The following NAV3 variants were observed in gnomAD, a reference collection of about 807,000 sequenced individuals.
The protein encoded by NAV3 is neuron navigator 3.
NAV3 carries 87 observed loss-of-function variants against 244.7 expected under a neutral mutation model. The ratio of observed to expected loss-of-function variants is 0.36; its 90% CI spans 0.30 to 0.42. NAV3 has a LOEUF of 0.42. Ranked by LOEUF, NAV3 falls within the 20% of genes least tolerant of loss-of-function variation. NAV3 has a pLI of 1.00. For synonymous variants in NAV3, 1,126 were observed against 1,042.2 expected (o/e 1.08, Z -1.55); for missense variants, 2,663 against 2,893.3 (o/e 0.92, Z 1.83).
intron 21 of NAV3, among the ~76,000 whole-genome samples, chr12:78,147,302 GT>G: frequency 6.6e-6 from 1 of 152,082 alleles, no homozygotes; most frequent in Middle Eastern, 3.4e-3. Flanking sequence ...ACTGATCATA[GT>G]ATAGCTACTG....
intron 2 of NAV3, among the ~76,000 whole-genome samples, chr12:77,656,309 T>C: frequency 7.6e-6 from 1 of 130,796 alleles, no homozygotes; most frequent in Non-Finnish European, 1.6e-5. Context: ...GTTGCAATCC[T>C]AGTCTCTGAT....
At chr12:78,084,273 AT>A (rs1258745263) in intron 12 of NAV3, among the ~76,000 whole-genome samples, 17 of 152,136 alleles carry the variant, frequency 1.1e-4, no homozygotes, top group Admixed American at 1.1e-3. Context: ...CAGTCTCATC[AT>A]CCCAGCTACC....
chr12:77,915,406 T>C (rs910964301), intron 1 of NAV3, among the ~76,000 whole-genome samples: 3 of 151,970 alleles, frequency 2.0e-5, no homozygotes, highest in Non-Finnish European at 4.4e-5. Flanking sequence ...AATTTCTTCT[T>C]GTATAGCCCT....
intron 3 of NAV3, among the ~76,000 whole-genome samples, chr12:77,941,803 C>T (rs1453360147): frequency 6.6e-6 from 1 of 151,962 alleles, no homozygotes; most frequent in Admixed American, 6.6e-5. Context: ...ATAGGAAAAC[C>T]TGAAATATAA....
At chr12:77,682,122 C>T (rs1874499438) in intron 2 of NAV3, among the ~76,000 whole-genome samples, 1 of 152,038 alleles carries the variant, frequency 6.6e-6, no homozygotes, top group Non-Finnish European at 1.5e-5. Context: ...CCAACCCACA[C>T]CCTGGTCCCC....
At chr12:77,747,331 A>T (rs1343942153) in intron 2 of NAV3, among the ~76,000 whole-genome samples, 2 of 152,212 alleles carry the variant, frequency 1.3e-5, no homozygotes, top group Non-Finnish European at 2.9e-5. Context: ...AACCACAATG[A>T]GATACCATCT....
chr12:78,066,853 G>A (rs781116402), intron 12 of NAV3, among the ~76,000 whole-genome samples: 19 of 151,974 alleles, frequency 1.3e-4, no homozygotes, highest in Admixed American at 8.5e-4. Flanking sequence ...TGACTCTGAG[G>A]TTGCCATTGT....
At chr12:78,134,947 C>T (rs759875787) in intron 18 of NAV3, among the ~76,000 whole-genome samples, 38 of 152,110 alleles carry the variant, frequency 2.5e-4, no homozygotes, top group African/African-American at 8.7e-4. Flanking sequence ...ATTGCCATAT[C>T]TGTTTCTCTT....
chr12:77,849,407 A>G (rs1011528275), intron 1 of NAV3, among the ~76,000 whole-genome samples: 1 of 152,184 alleles, frequency 6.6e-6, no homozygotes, highest in Admixed American at 6.5e-5. Context: ...GAGTATTTAT[A>G]ATCCAAAAAT....
intron 9 of NAV3, chr12:78,036,701 C>G: frequency 3.8e-6 from 2 of 530,412 alleles, no homozygotes; most frequent in South Asian, 6.1e-5. Context: ...AAATTGGGGG[C>G]AAATAATTAT....
chr12:77,588,080 C>A (rs1186251358), intron 2 of NAV3, among the ~76,000 whole-genome samples: 1 of 152,126 alleles, frequency 6.6e-6, no homozygotes, highest in Non-Finnish European at 1.5e-5. Flanking sequence ...CCAAATTTAA[C>A]ATACTTAGAA....
At chr12:77,799,469 G>A (rs1395465395) in intron 2 of NAV3, among the ~76,000 whole-genome samples, 1 of 152,090 alleles carries the variant, frequency 6.6e-6, no homozygotes, top group East Asian at 1.9e-4. Flanking sequence ...ATGTGAATGA[G>A]CCAAATATTA....
At chr12:78,089,205 C>A (rs1024402276) in intron 12 of NAV3, among the ~76,000 whole-genome samples, 4 of 152,028 alleles carry the variant, frequency 2.6e-5, no homozygotes, top group Non-Finnish European at 5.9e-5. Flanking sequence ...GGAATTCAAC[C>A]AATTTGTAAG....
At chr12:77,859,613 TGTA>T (rs1427257732) in intron 1 of NAV3, among the ~76,000 whole-genome samples, 6 of 95,378 alleles carry the variant, frequency 6.3e-5, no homozygotes, top group East Asian at 3.5e-4. Context: ...AAACTTAAAG[TGTA>T]ATAAAAAAAA....
chr12:77,863,768 T>C (rs1879608108), intron 1 of NAV3, among the ~76,000 whole-genome samples: 1 of 151,926 alleles, frequency 6.6e-6, no homozygotes, highest in African/African-American at 2.4e-5. Flanking sequence ...AGGCTTGTTT[T>C]AAGGCTACTC....
At chr12:78,150,718 G>A (rs938753997) in intron 22 of NAV3, among the ~76,000 whole-genome samples, 2 of 149,714 alleles carry the variant, frequency 1.3e-5, no homozygotes, top group Non-Finnish European at 3.0e-5. Flanking sequence ...AATAATCTTC[G>A]GAGTGAACTC....
At chr12:77,762,286 G>C (rs1302883223) in intron 2 of NAV3, among the ~76,000 whole-genome samples, 1 of 152,094 alleles carries the variant, frequency 6.6e-6, no homozygotes, top group Non-Finnish European at 1.5e-5. Context: ...CGGTGGGTGG[G>C]GAGCTAGGGG....
chr12:77,971,672 A>G (rs1893008994), intron 5 of NAV3, among the ~76,000 whole-genome samples: 1 of 152,224 alleles, frequency 6.6e-6, no homozygotes. Flanking sequence ...CATTTGCTGG[A>G]GGTGTGAGTC....
At chr12:78,022,129 C>T (rs544103000) in intron 9 of NAV3, among the ~76,000 whole-genome samples, 3 of 152,072 alleles carry the variant, frequency 2.0e-5, no homozygotes, top group African/African-American at 7.2e-5. Flanking sequence ...CAGAGAAAAC[C>T]TGGATAATAC....
Sources: gnomAD v4.1 joint callset for allele counts (sites outside exome capture counted in the v4.1 genomes callset) on GRCh38, gnomAD v4.1.1 for gene constraint, MANE v1.5 for transcripts, NCBI Gene and HGNC (gene_info 2026-07-23, HGNC 2026-07-21) for gene names.